Variants in TBXAS1 observed in about 807,000 individuals in gnomAD.
The protein encoded by TBXAS1 is thromboxane-A synthase.
A neutral mutation model predicts 60.7 loss-of-function variants in TBXAS1; 48 were observed. That is an observed-to-expected ratio of 0.79 (90% CI 0.63 to 1.01). The LOEUF (loss-of-function observed/expected upper bound fraction) is 1.01, where lower values mean the gene tolerates loss of function less well. Ranked by LOEUF, TBXAS1 falls within the 50% of genes least tolerant of loss-of-function variation. The probability of loss-of-function intolerance (pLI) is 0.00; values close to 1 mark genes in which losing one functional copy is unlikely to be tolerated. For synonymous variants in TBXAS1, 287 were observed against 269.7 expected (o/e 1.06, Z -0.63); for missense variants, 685 against 686.3 (o/e 1.00, Z 0.02).
intron 3 of TBXAS1, among the ~76,000 whole-genome samples, chr7:139,884,385 G>A (rs1435185899): frequency 6.6e-6 from 1 of 152,208 alleles, no homozygotes; most frequent in African/African-American, 2.4e-5. Context: ...TTTGCATTGG[G>A]TGTAAATATC....
rs574000340 is a variant in TBXAS1, at chr7:139,955,397, G to C, written c.540-62G>C. ...AATTCAGGCCCTCCTCCTCTGGAGG[G>C]GGCCATTGTGGGTAGCCCCTGCCAG... On this transcript the variant is annotated intron_variant, in intron 6 of 12. Transcript: ENST00000448866. The C allele has an allele frequency of 2.0e-4, 317 of 1,609,024 alleles. 3 individuals carry two copies. The South Asian group carries it at 3.4e-3, about 17-fold the overall frequency.
In TBXAS1 at chr7:139,994,168, C is replaced by T. The variant is rs756197567; in HGVS notation, c.1135-12923C>T. 3.3e-5 allele frequency among the ~76,000 whole-genome samples: 5 copies of T among 152,154 alleles called. No individual in the cohort carries two copies. The South Asian group carries it at 8.3e-4, about 25-fold the overall frequency. On this transcript the variant is annotated intron_variant, in intron 9 of 12. Coordinates refer to ENST00000448866, the MANE Select transcript of TBXAS1 (RefSeq NM_001061.7). ...GTGGTTCTCCTGCCTCAGCCTCCCG[C>T]GTAGCTGGGATTACAGGCACCTGCC...
At chr7:139,878,252 G>A (rs1802414547) in intron 3 of TBXAS1, among the ~76,000 whole-genome samples, 1 of 151,220 alleles carries the variant, frequency 6.6e-6, no homozygotes, top group Non-Finnish European at 1.5e-5. Flanking sequence ...GAGAGAGAGA[G>A]GAGAGAGAGA....
At chr7:139,806,493 C>T (rs1395656188) in intron 4 of TBXAS1, among the ~76,000 whole-genome samples, 2 of 151,668 alleles carry the variant, frequency 1.3e-5, no homozygotes, top group Non-Finnish European at 2.9e-5. Context: ...GAACTCCTGA[C>T]CTCAAGTGAC....
intron 4 of TBXAS1, among the ~76,000 whole-genome samples, chr7:139,921,414 A>G (rs990108887): frequency 2.0e-5 from 3 of 152,224 alleles, no homozygotes; most frequent in Non-Finnish European, 4.4e-5. Flanking sequence ...ATTTAGATTA[A>G]TATAGCCAGG....
At chr7:139,808,403 G>A (rs1363697215) in intron 4 of TBXAS1, among the ~76,000 whole-genome samples, 2 of 152,000 alleles carry the variant, frequency 1.3e-5, no homozygotes, top group African/African-American at 4.8e-5. Context: ...TAATTAGGGA[G>A]TGATATATTT....
At chr7:139,903,952 T>C (rs935211873) in intron 3 of TBXAS1, among the ~76,000 whole-genome samples, 1 of 152,144 alleles carries the variant, frequency 6.6e-6, no homozygotes, top group Non-Finnish European at 1.5e-5. Flanking sequence ...AGCTCTTTAC[T>C]TTAATTAGGT....
At chr7:139,961,131 AG>A (rs1236881207) in intron 8 of TBXAS1, among the ~76,000 whole-genome samples, 2 of 152,230 alleles carry the variant, frequency 1.3e-5, no homozygotes, top group Non-Finnish European at 1.5e-5. Context: ...AAACGGGGGC[AG>A]GGGATTACTG....
chr7:139,789,212 A>ATCTCTCTCTCTCTCTC (rs138299225), intron 4 of TBXAS1: 1 of 142,500 alleles, frequency 7.0e-6, no homozygotes, highest in African/African-American at 2.5e-5. Flanking sequence ...AATATGTTTA[A>ATCTCTCTCTCTCTCTC]TCTCTCTCTC....
chr7:139,780,625 A>AGG (rs1349872875), intron 1 of TBXAS1: 8 of 154,392 alleles, frequency 5.2e-5, no homozygotes, highest in Admixed American at 4.6e-4. Context: ...GGGTTAGATT[A>AGG]GAGAGAGAGT....
At position 139,800,937 on chromosome 7, in the gene TBXAS1, T is replaced by C. The variant is rs112348120; in HGVS notation, c.-80+13511T>C. On this transcript the variant is annotated intron_variant, in intron 4 of 16. Transcript: ENST00000336425. ...TTACAAAATAGTTTATAGCTAACTATATTTCCTTACTCTCATTTGTTCCTT... is the reference window on the plus strand; with the variant it reads ...TTACAAAATAGTTTATAGCTAACTACATTTCCTTACTCTCATTTGTTCCTT... 3.3e-3 allele frequency among the ~76,000 whole-genome samples: 498 copies of C among 152,364 alleles called. 1 individual carries two copies. Among genetic ancestry groups the C allele is most frequent in the Non-Finnish European group, 3.3e-3 (223 of 68,028 alleles).
intron 3 of TBXAS1, among the ~76,000 whole-genome samples, chr7:139,907,740 C>T (rs1307142254): frequency 6.6e-6 from 1 of 151,710 alleles, no homozygotes; most frequent in Non-Finnish European, 1.5e-5. Flanking sequence ...GTATCCTGGC[C>T]TGGAGATGTG....
At chr7:139,815,607 A>G (rs1260595540) in intron 4 of TBXAS1, among the ~76,000 whole-genome samples, 1 of 152,152 alleles carries the variant, frequency 6.6e-6, no homozygotes, top group Non-Finnish European at 1.5e-5. Context: ...ATGTTACCTC[A>G]TCTTCCACTG....
At chr7:139,942,450 A>C (rs1808366140) in intron 5 of TBXAS1, among the ~76,000 whole-genome samples, 1 of 152,226 alleles carries the variant, frequency 6.6e-6, no homozygotes, top group African/African-American at 2.4e-5. Flanking sequence ...GGTAGCTTCC[A>C]TGAAGAACCC....
chr7:139,923,180 A>G (rs1806611149), intron 4 of TBXAS1, among the ~76,000 whole-genome samples: 1 of 152,104 alleles, frequency 6.6e-6, no homozygotes. Flanking sequence ...ATATATAATT[A>G]GCCAGGCATG....
intron 3 of TBXAS1, among the ~76,000 whole-genome samples, chr7:139,879,135 G>T (rs976970473): frequency 1.2e-4 from 19 of 152,160 alleles, no homozygotes; most frequent in African/African-American, 4.3e-4. Flanking sequence ...GCTGGAGAAG[G>T]TTTCCATCAA....
At chr7:139,788,830 A>G (rs932329413) in intron 4 of TBXAS1, among the ~76,000 whole-genome samples, 2 of 152,242 alleles carry the variant, frequency 1.3e-5, no homozygotes, top group Admixed American at 6.5e-5. Flanking sequence ...ATATGTTTAG[A>G]CAAATAGATC....
intron 3 of TBXAS1, among the ~76,000 whole-genome samples, chr7:139,881,928 G>A (rs1796511786): frequency 1.3e-5 from 2 of 152,288 alleles, no homozygotes; most frequent in South Asian, 4.2e-4. Context: ...TGAGGAAGTT[G>A]AGAACTTTGG....
At chr7:140,017,187 C>G (rs71543351) in intron 11 of TBXAS1, among the ~76,000 whole-genome samples, 2,160 of 152,328 alleles carry the variant, frequency 0.014, 26 homozygotes, top group Non-Finnish European at 0.02. Context: ...CCCAAGAGAC[C>G]TGCAGGGCAA....
Sources: allele counts gnomAD v4.1 joint callset (sites outside exome capture counted in the v4.1 genomes callset), GRCh38; gene constraint gnomAD v4.1.1; transcripts MANE v1.5; gene names NCBI Gene and HGNC (gene_info 2026-07-23, HGNC 2026-07-21).